The following TLR8 variants were observed in gnomAD, a reference collection of about 807,000 sequenced individuals.
The protein encoded by TLR8 is toll-like receptor 8.
A neutral mutation model predicts 18.5 loss-of-function variants in TLR8; 5 were observed. The ratio of observed to expected loss-of-function variants is 0.27; its 90% CI spans 0.14 to 0.57. TLR8 has a LOEUF of 0.57. TLR8 is among the 20% of genes least tolerant of loss of function. The pLI, the probability that TLR8 is intolerant of heterozygous loss-of-function variation, is 0.92. For missense variants in TLR8, 543 were observed against 769.8 expected (o/e 0.71, Z 3.49); for synonymous variants, 299 against 300.1 (o/e 1.00, Z 0.04).
chrX:12,915,669 T>C (rs1040677813), intron 1 of TLR8, among the ~76,000 whole-genome samples: 5 of 111,844 alleles, frequency 4.5e-5, no homozygotes, highest in Admixed American at 1.9e-4. Flanking sequence ...ATGGCAAACA[T>C]GAAAGCTGAT....
At position 12,920,300 on chromosome X, in the gene TLR8, G is replaced by A. The variant is rs780305680; in HGVS notation, c.1260G>A (p.Leu420=). 3 of 1,208,543 alleles carry A rather than the reference G, an allele frequency of 2.5e-6. No homozygotes were observed. In the East Asian group the frequency reaches 8.9e-5, roughly 36 times the overall value. ...AACTTTTCCAAAATTTCTCCAATCT[G>A]GAAATTATTTACTTGTCAGAAAACA... ...DFKLFQNFSN[L]EIIYLSENRI... The change falls in exon 2 of 2, where the codon CTG becomes CTA. Residue 420 remains leucine, a synonymous_variant. Coordinates refer to ENST00000218032, the MANE Select transcript of TLR8 (RefSeq NM_138636.5).
chrX:12,922,978 A>C lies in TLR8; in HGVS notation c.*812A>C, dbSNP rs1047417416. The stretch of plus-strand genomic sequence containing the variant: ...GTTTTATTTACAGTTGCTTTTACAA[A>C]TATTTGCTGTAACATTTGACTTCTA... On this transcript the variant is annotated 3_prime_UTR_variant, in exon 2 of 2. Coordinates refer to ENST00000218032, the MANE Select transcript of TLR8 (RefSeq NM_138636.5). The C allele has an allele frequency of 3.6e-5, 4 of 112,349 alleles. No homozygotes were observed. Among genetic ancestry groups the C allele is most frequent in the Non-Finnish European group, 7.5e-5 (4 of 53,304 alleles). 9.3% of individuals were successfully genotyped at this position (112,349 alleles called of 1,213,427 possible). A position where few individuals can be genotyped will look rare whatever the true frequency, so the allele number is the denominator to read the frequency against.
Position 12,922,197 on chromosome X carries a change from T to G in TLR8, c.*31T>G, listed in dbSNP as rs1485532758. 8.6e-7 allele frequency: 1 copy of G among 1,158,947 alleles called. No homozygotes were observed. Among genetic ancestry groups the G allele is most frequent in the Non-Finnish European group, 1.1e-6 (1 of 869,785 alleles). ...GTTAAGTCATGATTTCGCGCCATAA[T>G]AAAGATGCAAAGGAATGACATTTCT... On this transcript the variant is annotated 3_prime_UTR_variant, in exon 2 of 2. Transcript: ENST00000218032.
In TLR8 at chrX:12,907,022, C is replaced by G. The variant is rs529160939; in HGVS notation, c.3+313C>G. On this transcript the variant is annotated intron_variant, in intron 1 of 1. Coordinates refer to ENST00000218032, the MANE Select transcript of TLR8 (RefSeq NM_138636.5). ...TTGAACTGGAAATATTACTTACTGG[C>G]CCTACCAGAGACAATATCCTCTTCC... 5.4e-5 allele frequency among the ~76,000 whole-genome samples: 6 copies of G among 111,945 alleles called. No homozygotes were observed. The South Asian group carries it at 2.2e-3, about 42-fold the overall frequency.
At chrX:12,907,908 T>C (rs1388172714) in intron 1 of TLR8, among the ~76,000 whole-genome samples, 1 of 112,039 alleles carries the variant, frequency 8.9e-6, no homozygotes, top group Non-Finnish European at 1.9e-5. Flanking sequence ...TTACAATGCT[T>C]TACAAAATGA....
Position 12,921,107 on chromosome X carries a change from T to A in TLR8, c.2067T>A (p.Arg689=). The change falls in exon 2 of 2, where the codon CGT becomes CGA. Residue 689 remains arginine, a synonymous_variant. Transcript: ENST00000218032. The stretch of plus-strand genomic sequence containing the variant: ...GGACATTACTCCAGCAGTTTCCTCG[T>A]CTCGAGTTGCTTGACTTACGTGGAA... ...FNWTLLQQFP[R]LELLDLRGNK... 8.3e-7 allele frequency: 1 copy of A among 1,211,676 alleles called. No homozygotes were observed. Among genetic ancestry groups the A allele is most frequent in the African/African-American group, 1.7e-5 (1 of 57,826 alleles).
chrX:12,915,196 C>T (rs1347040463), intron 1 of TLR8, among the ~76,000 whole-genome samples: 1 of 111,070 alleles, frequency 9.0e-6, no homozygotes, highest in Non-Finnish European at 1.9e-5. Context: ...GACGGGTGGT[C>T]TCTGTCCCCC....
At chrX:12,910,544 CT>C in intron 1 of TLR8, 2 of 934,774 alleles carry the variant, frequency 2.1e-6, no homozygotes, top group Non-Finnish European at 3.0e-6. Context: ...GGCAGCGTCC[CT>C]ACCTTTGTGC....
chrX:12,922,260 A>C lies in TLR8; in HGVS notation c.*94A>C. The stretch of plus-strand genomic sequence containing the variant: ...TATTGCTATGTAACAAATTATCCCA[A>C]AACTTAGTGGTTTAAAACAACACAT... On this transcript the variant is annotated 3_prime_UTR_variant, in exon 2 of 2. Transcript: ENST00000218032. 9.4e-7 allele frequency: 1 copy of C among 1,069,297 alleles called. No homozygotes were observed. Among genetic ancestry groups the C allele is most frequent in the Non-Finnish European group, 1.2e-6 (1 of 806,628 alleles). 88.1% of individuals were successfully genotyped at this position (1,069,297 alleles called of 1,213,427 possible).
chrX:12,910,428 A>C, intron 1 of TLR8: 2 of 1,167,751 alleles, frequency 1.7e-6, no homozygotes, highest in Non-Finnish European at 2.3e-6. Flanking sequence ...CAGCCTGGGA[A>C]AGGAGACTAA....
At position 12,922,789 on chromosome X, in the gene TLR8, A is replaced by T. The variant is rs1270651071; in HGVS notation, c.*623A>T. 1 of 112,012 alleles carries T rather than the reference A, an allele frequency of 8.9e-6. No individual in the cohort carries two copies. The highest frequency in any genetic ancestry group is 1.9e-5 in the Non-Finnish European group (1 of 53,229). 9.2% of individuals were successfully genotyped at this position (112,012 alleles called of 1,213,427 possible). A position where few individuals can be genotyped will look rare whatever the true frequency, so the allele number is the denominator to read the frequency against. ...TTGATGATAGATTGTGAATATCAGG[A>T]GGCAGGGATCACTGTGGACCATCTT... On this transcript the variant is annotated 3_prime_UTR_variant, in exon 2 of 2. Coordinates refer to ENST00000218032, the MANE Select transcript of TLR8 (RefSeq NM_138636.5).
At chrX:12,917,535 T>C (rs1425848279) in intron 1 of TLR8, among the ~76,000 whole-genome samples, 1 of 112,626 alleles carries the variant, frequency 8.9e-6, no homozygotes, top group Non-Finnish European at 1.9e-5. Flanking sequence ...TGGGCTTTAG[T>C]GAAAAATCTA....
chrX:12,917,456 C>T lies in TLR8; in HGVS notation c.4-1588C>T, dbSNP rs749332017. Among the ~76,000 whole-genome samples the T allele has an allele frequency of 6.2e-5, 7 of 112,006 alleles. No individual in the cohort carries two copies. In the South Asian group the frequency reaches 1.8e-3, roughly 29 times the overall value. Reference sequence around the variant, plus strand: ...GTGACATATAAAGGTGTTAGTTCACCGGCCCTAAATTTTAGGAGAATTTTT... The same window carrying T: ...GTGACATATAAAGGTGTTAGTTCACTGGCCCTAAATTTTAGGAGAATTTTT... On this transcript the variant is annotated intron_variant, in intron 1 of 1. Coordinates refer to ENST00000218032, the MANE Select transcript of TLR8 (RefSeq NM_138636.5).
intron 1 of TLR8, chrX:12,908,386 T>A (rs1260490067): frequency 8.9e-6 from 1 of 112,333 alleles, no homozygotes; most frequent in Non-Finnish European, 1.9e-5. Flanking sequence ...AATAGAGTAA[T>A]AATAAAATCA....
intron 1 of TLR8, among the ~76,000 whole-genome samples, chrX:12,913,633 C>T (rs950857456): frequency 3.5e-5 from 4 of 112,704 alleles, no homozygotes; most frequent in Non-Finnish European, 1.9e-5. Flanking sequence ...TTTGCTATTG[C>T]TAACAGCCTT....
chrX:12,912,163 G>C (rs1480712029), intron 1 of TLR8, among the ~76,000 whole-genome samples: 2 of 111,310 alleles, frequency 1.8e-5, no homozygotes, highest in Admixed American at 1.9e-4. Flanking sequence ...AGTTATTGTA[G>C]AGTTGCTGTT....
At position 12,921,157 on chromosome X, in the gene TLR8, G is replaced by A; in HGVS notation, c.2117G>A (p.Ser706Asn). Reference protein sequence around the residue: ...RGNKLLFLTDSLSDFTSSLRT... With the variant: ...RGNKLLFLTDNLSDFTSSLRT... ...AACAAACTACTCTTTTTAACTGATA[G>A]CCTATCTGACTTTACATCTTCCCTT... The change falls in exon 2 of 2, where the codon AGC (serine) becomes AAC (asparagine). Residue 706 changes from serine to asparagine, a missense_variant. By Grantham distance (46) the Ser-to-Asn change is conservative. Coordinates refer to ENST00000218032, the MANE Select transcript of TLR8 (RefSeq NM_138636.5). 8.3e-7 allele frequency: 1 copy of A among 1,211,638 alleles called. No individual in the cohort carries two copies. The highest frequency in any genetic ancestry group is 1.1e-6 in the Non-Finnish European group (1 of 895,464).
chrX:12,917,221 A>T, intron 1 of TLR8, among the ~76,000 whole-genome samples: 1 of 112,293 alleles, frequency 8.9e-6, no homozygotes, highest in East Asian at 2.8e-4. Flanking sequence ...GGCTTGTTTT[A>T]GTGCAAGTTA....
In TLR8 at chrX:12,919,408, A is replaced by G; in HGVS notation, c.368A>G (p.Asn123Ser). Reference protein sequence around the residue: ...GLNITDGAFLNLKNLRELLLE... With the variant: ...GLNITDGAFLSLKNLRELLLE... ...AATATCACAGACGGGGCATTCCTCAACCTAAAAAACCTAAGGGAGTTACTG... is the reference window on the plus strand; with the variant it reads ...AATATCACAGACGGGGCATTCCTCAGCCTAAAAAACCTAAGGGAGTTACTG... The change falls in exon 2 of 2, where the codon AAC becomes AGC. Residue 123 changes from asparagine (N) to serine (S), a missense_variant. Physicochemically the swap from Asn to Ser is conservative, Grantham distance 46. This residue lies in a region of TLR8 where 117 missense variants were observed against 111.0 expected (regional missense o/e 1.05). Transcript: ENST00000218032. 1 of 1,211,161 alleles carries G rather than the reference A, an allele frequency of 8.3e-7. No homozygotes were observed. The highest frequency in any genetic ancestry group is 1.7e-5 in the African/African-American group (1 of 57,739).
Sources: gnomAD v4.1 joint callset for allele counts (sites outside exome capture counted in the v4.1 genomes callset) on GRCh38, gnomAD v4.1.1 for gene constraint, gnomAD v4.1.1 regional missense constraint, MANE v1.5 for transcripts, NCBI Gene and HGNC (gene_info 2026-07-23, HGNC 2026-07-21) for gene names.